ZC3HC1: variants seen among roughly 807,000 people sequenced by gnomAD.
ZC3HC1 encodes zinc finger C3HC-type containing 1, also known as zinc finger C3HC-type protein 1.
Under a neutral mutation model 61.9 loss-of-function variants are expected in ZC3HC1, and 38 were observed. That is an observed-to-expected ratio of 0.61 (90% CI 0.47 to 0.81). The LOEUF (loss-of-function observed/expected upper bound fraction) is 0.81. Among genes scored for constraint, ZC3HC1 ranks in the 30% least tolerant of loss-of-function variants. The probability of loss-of-function intolerance (pLI) is 0.00; values close to 1 mark genes in which losing one functional copy is unlikely to be tolerated. For missense variants in ZC3HC1, 554 were observed against 622.7 expected, an observed-to-expected ratio of 0.89 and a Z score of 1.17; for synonymous variants, 213 against 229.9, an observed-to-expected ratio of 0.93 and a Z score of 0.67.
chr7:130,033,109 C>T (rs1052691429), intron 4 of ZC3HC1, among the ~76,000 whole-genome samples: 6 of 152,044 alleles, frequency 3.9e-5, no homozygotes, highest in South Asian at 2.1e-4. Context: ...CATGGCTCGC[C>T]ACAGCCTTAA....
In ZC3HC1 at chr7:130,041,114, A is replaced by C. The variant is rs1298578640; in HGVS notation, c.259-13T>G. Reference sequence around the variant, plus strand: ...CCCATTTCAAAGAGTATCCATGTTAAGAAAAACAACACAGCAAATATATAT... The same window carrying C: ...CCCATTTCAAAGAGTATCCATGTTACGAAAAACAACACAGCAAATATATAT... On this transcript the variant is annotated splice_polypyrimidine_tract_variant and intron_variant, in intron 2 of 9. Transcript: ENST00000358303. 6.2e-7 allele frequency: 1 copy of C among 1,609,342 alleles called. No individual in the cohort carries two copies. Among genetic ancestry groups the C allele is most frequent in the African/African-American group, 1.3e-5 (1 of 74,478 alleles).
rs564221529 is a variant in ZC3HC1 at position 130,022,298 on chromosome 7, C to A, written c.1440+21G>T. On this transcript the variant is annotated intron_variant, in intron 9 of 9. Coordinates refer to ENST00000358303, the MANE Select transcript of ZC3HC1 (RefSeq NM_016478.5). ...ATAAACAGCAAGTGCTGCCCACACA[C>A]AAGGCAGTGGCGTATCTCACCATGG... is the stretch of plus-strand genomic sequence containing the variant. 34 of 1,613,930 alleles carry A rather than the reference C, an allele frequency of 2.1e-5. No individual in the cohort carries two copies. The South Asian group carries it at 3.4e-4, about 16-fold the overall frequency.
At position 130,039,527 on chromosome 7, in the gene ZC3HC1, G is replaced by C. The variant is rs1794564055; in HGVS notation, c.430C>G (p.Leu144Val). Residue 144 changes from leucine to valine, a missense_variant, in exon 4 of 10, where the codon CTG becomes GTG. Coordinates refer to ENST00000358303, the MANE Select transcript of ZC3HC1 (RefSeq NM_016478.5). ...TGGGCAGTACACAAGGCTTTCTTCAGCTCAGCACATCGTTGCTTATCTGAA... is the reference window on the plus strand; with the variant it reads ...TGGGCAGTACACAAGGCTTTCTTCACCTCAGCACATCGTTGCTTATCTGAA... ...FDRYKQRCAE[L>V]KKALCTAHEK... The C allele has an allele frequency of 1.9e-6, 3 of 1,611,854 alleles. No individual in the cohort carries two copies. The highest frequency in any genetic ancestry group is 2.5e-6 in the Non-Finnish European group (3 of 1,179,416).
intron 4 of ZC3HC1, among the ~76,000 whole-genome samples, chr7:130,030,818 G>A (rs1377710808): frequency 2.0e-5 from 3 of 151,562 alleles, no homozygotes; most frequent in African/African-American, 2.4e-5. Flanking sequence ...ACAGGCGCCC[G>A]CCACTGCGCC....
intron 1 of ZC3HC1, among the ~76,000 whole-genome samples, chr7:130,049,501 A>G (rs1794990256): frequency 6.6e-6 from 1 of 152,078 alleles, no homozygotes; most frequent in Non-Finnish European, 1.5e-5. Flanking sequence ...AATAAGACTC[A>G]AGACTTCAAG....
intron 9 of ZC3HC1, among the ~76,000 whole-genome samples, chr7:130,021,926 G>A (rs1318189224): frequency 6.6e-6 from 1 of 152,158 alleles, no homozygotes; most frequent in Non-Finnish European, 1.5e-5. Context: ...TGTAATCCCA[G>A]CACTTTGGGA....
In ZC3HC1 at chr7:130,026,195, T is replaced by G; in HGVS notation, c.739A>C (p.Thr247Pro). The change falls in exon 6 of 10, where the codon ACT becomes CCT. Residue 247 changes from threonine to proline, a missense_variant. Physicochemically the swap from Thr to Pro is conservative, Grantham distance 38 (BLOSUM62 -1). Transcript: ENST00000358303. Reference protein sequence around the residue: ...KLGSDIQVHVTACILSVCGWA... With the variant: ...KLGSDIQVHVPACILSVCGWA... The stretch of plus-strand genomic sequence containing the variant: ...CCACACACAGAGAGAATACAGGCAG[T>G]GACGTGGACTTGGATGTCTGAGCCT... 6.2e-7 allele frequency: 1 copy of G among 1,614,124 alleles called. No homozygotes were observed. Among genetic ancestry groups the G allele is most frequent in the Non-Finnish European group, 8.5e-7 (1 of 1,180,000 alleles).
intron 5 of ZC3HC1, among the ~76,000 whole-genome samples, chr7:130,028,403 G>T (rs1286210701): frequency 1.3e-5 from 2 of 151,928 alleles, no homozygotes; most frequent in East Asian, 3.9e-4. Context: ...TTAGCCAGGT[G>T]TGGTGGCAGA....
intron 4 of ZC3HC1, among the ~76,000 whole-genome samples, chr7:130,032,497 T>A (rs1043289995): frequency 2.0e-5 from 3 of 149,926 alleles, no homozygotes; most frequent in South Asian, 2.1e-4. Flanking sequence ...AAAAAAAAAA[T>A]TAGCTGGATG....
chr7:130,028,994 T>G lies in ZC3HC1; in HGVS notation c.529A>C (p.Ile177Leu), dbSNP rs151170032. Residue 177 changes from isoleucine to leucine, a missense_variant, in exon 5 of 10, where the codon ATT becomes CTT. Physicochemically the swap from Ile to Leu is conservative, Grantham distance 5. Coordinates refer to ENST00000358303, the MANE Select transcript of ZC3HC1 (RefSeq NM_016478.5). ...FGMLPLDEPAILVSEFLDRFQ... is the reference protein window; with the variant it reads ...FGMLPLDEPALLVSEFLDRFQ... ...CGATCTAGGAATTCACTAACAAGAATAGCAGGCTCATCCAGGGGCAACATC... is the reference window on the plus strand; with the variant it reads ...CGATCTAGGAATTCACTAACAAGAAGAGCAGGCTCATCCAGGGGCAACATC... The G allele has an allele frequency of 1.9e-6, 3 of 1,613,604 alleles. No homozygotes were observed. The highest frequency in any genetic ancestry group is 1.3e-5 in the African/African-American group (1 of 75,004).
chr7:130,027,005 AT>A (rs1793946714), intron 5 of ZC3HC1: 2 of 151,190 alleles, frequency 1.3e-5, no homozygotes, highest in African/African-American at 4.9e-5. Context: ...AGAAAAAAAA[AT>A]TTTAGAGATG....
intron 6 of ZC3HC1, among the ~76,000 whole-genome samples, chr7:130,025,301 A>G (rs1318989652): frequency 6.6e-6 from 1 of 150,782 alleles, no homozygotes; most frequent in African/African-American, 2.4e-5. Flanking sequence ...AGATTTATTT[A>G]CTGTCAGAAC....
chr7:130,036,494 G>A (rs959244636), intron 4 of ZC3HC1, among the ~76,000 whole-genome samples: 1 of 152,010 alleles, frequency 6.6e-6, no homozygotes, highest in Non-Finnish European at 1.5e-5. Flanking sequence ...CCCAAGAAGC[G>A]GAGGTTGCAG....
chr7:130,018,794 A>G (rs1334141494), intron 9 of ZC3HC1, 62 bp from the exon 10 acceptor site: 2 of 1,425,366 alleles, frequency 1.4e-6, no homozygotes, highest in South Asian at 1.2e-5. Flanking sequence ...AGGATAGATC[A>G]TTTGTCCCAC....
chr7:130,028,685 G>C (rs1794037206), intron 5 of ZC3HC1, among the ~76,000 whole-genome samples: 1 of 152,026 alleles, frequency 6.6e-6, no homozygotes, highest in Non-Finnish European at 1.5e-5. Context: ...ATACATATAT[G>C]TTAAATTGAA....
At chr7:130,031,385 T>C (rs1014632142) in intron 4 of ZC3HC1, among the ~76,000 whole-genome samples, 2 of 150,744 alleles carry the variant, frequency 1.3e-5, no homozygotes, top group Non-Finnish European at 2.9e-5. Flanking sequence ...AACCAGTAGC[T>C]TAGCAGTCAC....
chr7:130,034,074 G>A (rs1010136444), intron 4 of ZC3HC1, among the ~76,000 whole-genome samples: 17 of 151,866 alleles, frequency 1.1e-4, no homozygotes, highest in Non-Finnish European at 2.2e-4. Context: ...GCACATCCAT[G>A]TAGCCATCAC....
At chr7:130,046,535 A>C (rs1193549513) in intron 2 of ZC3HC1, among the ~76,000 whole-genome samples, 1 of 151,206 alleles carries the variant, frequency 6.6e-6, no homozygotes, top group East Asian at 2.0e-4. Flanking sequence ...TAAACCCAGG[A>C]GGTGGAGGTT....
At chr7:130,026,022 C>T (rs1793890162) in intron 6 of ZC3HC1, 136 bp downstream of exon 6, 2 of 995,920 alleles carry the variant, frequency 2.0e-6, no homozygotes, top group African/African-American at 1.6e-5. Flanking sequence ...CTCGCACCAT[C>T]CCCCACCCAG....
Sources: gnomAD v4.1 joint callset for allele counts (sites outside exome capture counted in the v4.1 genomes callset) on GRCh38, gnomAD v4.1.1 for gene constraint, MANE v1.5 for transcripts, NCBI Gene and HGNC (gene_info 2026-07-23, HGNC 2026-07-21) for gene names.